Variants in FRMD3 observed in about 807,000 individuals in gnomAD.
FRMD3 encodes FERM domain-containing protein 3.
FRMD3 carries 33 observed loss-of-function variants against 70.2 expected under a neutral mutation model. That is an observed-to-expected ratio of 0.47 (90% CI 0.36 to 0.63). FRMD3 has a LOEUF of 0.63. Among genes scored for constraint, FRMD3 ranks in the 20% least tolerant of loss-of-function variants. The pLI, the probability that FRMD3 is intolerant of heterozygous loss-of-function variation, is 0.00. For missense variants in FRMD3, 632 were observed against 711.4 expected, an observed-to-expected ratio of 0.89 and a Z score of 1.27; for synonymous variants, 279 against 255.9, an observed-to-expected ratio of 1.09 and a Z score of -0.86.
intron 1 of FRMD3, among the ~76,000 whole-genome samples, chr9:83,462,259 G>C (rs1827997884): frequency 6.6e-6 from 1 of 152,180 alleles, no homozygotes; most frequent in African/African-American, 2.4e-5. Flanking sequence ...CACCGGGCTG[G>C]AAGGAAATTT....
chr9:83,261,500 T>C (rs1832992695), intron 13 of FRMD3, among the ~76,000 whole-genome samples: 1 of 152,180 alleles, frequency 6.6e-6, no homozygotes, highest in Non-Finnish European at 1.5e-5. Context: ...TGAGGTTCCA[T>C]ACTCTCTTGG....
At chr9:83,384,977 C>A (rs999436484) in intron 2 of FRMD3, among the ~76,000 whole-genome samples, 6 of 152,040 alleles carry the variant, frequency 3.9e-5, no homozygotes, top group East Asian at 3.9e-4. Flanking sequence ...AGCTCTAAGG[C>A]ATGGGGTGAG....
At chr9:83,547,055 G>C in the FRMD3 span, among the ~76,000 whole-genome samples, 1 of 151,360 alleles carries the variant, frequency 6.6e-6, no homozygotes, top group Admixed American at 6.6e-5. Flanking sequence ...AAAGCAGACT[G>C]GGATAGCTAT....
intron 1 of FRMD3, among the ~76,000 whole-genome samples, chr9:83,536,435 C>T (rs1253901536): frequency 6.7e-6 from 1 of 149,756 alleles, no homozygotes; most frequent in Admixed American, 6.6e-5. Flanking sequence ...CTCTCCCTGA[C>T]GGCCCCTCCA....
chr9:83,468,203 A>C (rs1417414114), intron 1 of FRMD3, among the ~76,000 whole-genome samples: 1 of 152,236 alleles, frequency 6.6e-6, no homozygotes, highest in East Asian at 1.9e-4. Flanking sequence ...TCATTTCTGT[A>C]AGAAATTGAA....
At chr9:83,561,873 C>A in the FRMD3 span, among the ~76,000 whole-genome samples, 1 of 152,190 alleles carries the variant, frequency 6.6e-6, no homozygotes, top group African/African-American at 2.4e-5. Context: ...CACCACACAT[C>A]TCCTAGATAC....
intron 2 of FRMD3, among the ~76,000 whole-genome samples, chr9:83,374,376 G>GTC (rs1330226038): frequency 1.4e-5 from 2 of 145,526 alleles, no homozygotes; most frequent in Non-Finnish European, 3.0e-5. Flanking sequence ...ATTATGGAAA[G>GTC]TCACACACAC....
the FRMD3 span, among the ~76,000 whole-genome samples, chr9:83,564,067 T>C: frequency 6.6e-6 from 1 of 152,126 alleles, no homozygotes; most frequent in Non-Finnish European, 1.5e-5. Context: ...ATGTTCAGAT[T>C]TCAACCCCAT....
At chr9:83,346,433 CG>C (rs1564026990) in intron 4 of FRMD3, among the ~76,000 whole-genome samples, 1 of 152,038 alleles carries the variant, frequency 6.6e-6, no homozygotes, top group East Asian at 1.9e-4. Context: ...AGTGAAAAGA[CG>C]CCAGACCCAA....
At chr9:83,421,527 C>T (rs1826643812) in intron 1 of FRMD3, among the ~76,000 whole-genome samples, 1 of 152,086 alleles carries the variant, frequency 6.6e-6, no homozygotes, top group Non-Finnish European at 1.5e-5. Flanking sequence ...AGCACAGCTC[C>T]CAGAATAGGT....
At chr9:83,485,098 C>A (rs1165357729) in intron 1 of FRMD3, among the ~76,000 whole-genome samples, 2 of 152,178 alleles carry the variant, frequency 1.3e-5, no homozygotes, top group African/African-American at 2.4e-5. Flanking sequence ...CTCTTAGAGA[C>A]AACACCAGAC....
At chr9:83,500,735 T>C (rs139814093) in intron 1 of FRMD3, among the ~76,000 whole-genome samples, 216 of 152,316 alleles carry the variant, frequency 1.4e-3, no homozygotes, top group African/African-American at 4.9e-3. Flanking sequence ...GTTGCCAAAT[T>C]AATACATCCT....
At chr9:83,372,251 G>C (rs918773203) in intron 3 of FRMD3, among the ~76,000 whole-genome samples, 11 of 152,020 alleles carry the variant, frequency 7.2e-5, no homozygotes, top group African/African-American at 2.4e-4. Flanking sequence ...ATGTCACCCA[G>C]GACTACCAGT....
chr9:83,310,481 T>G lies in FRMD3; in HGVS notation c.837+4A>C. ...CAGGCAGTTAAAAAAAAGCAGTATC[T>G]GACCTCCTTCTGGGTGCCAATCACA... On this transcript the variant is annotated splice_donor_region_variant and intron_variant, in intron 9 of 13. Coordinates refer to ENST00000304195, the MANE Select transcript of FRMD3 (RefSeq NM_174938.6). 1 of 1,606,336 alleles carries G rather than the reference T, an allele frequency of 6.2e-7. No homozygotes were observed. The highest frequency in any genetic ancestry group is 8.5e-7 in the Non-Finnish European group (1 of 1,177,124).
At chr9:83,560,054 G>A in the FRMD3 span, among the ~76,000 whole-genome samples, 1 of 152,114 alleles carries the variant, frequency 6.6e-6, no homozygotes, top group South Asian at 2.1e-4. Context: ...GTTGGATGTG[G>A]CAGAGATTTC....
intron 1 of FRMD3, among the ~76,000 whole-genome samples, chr9:83,519,196 T>C (rs961510564): frequency 2.0e-5 from 3 of 151,920 alleles, no homozygotes; most frequent in African/African-American, 7.3e-5. Flanking sequence ...ATCATCAGAG[T>C]GAACAGGCAA....
At chr9:83,311,997 AAAG>A (rs1835379325) in intron 7 of FRMD3, 22 bp from the exon 8 acceptor site, 1 of 1,539,944 alleles carries the variant, frequency 6.5e-7, no homozygotes. Flanking sequence ...AAAAAAGAAA[AAAG>A]AAAAATCTGT....
At chr9:83,462,903 G>A (rs778384019) in intron 1 of FRMD3, among the ~76,000 whole-genome samples, 4 of 152,020 alleles carry the variant, frequency 2.6e-5, no homozygotes, top group Non-Finnish European at 5.9e-5. Context: ...CAGCATTTAT[G>A]GCCATAAAAT....
At chr9:83,342,838 A>C (rs149171480) in intron 5 of FRMD3, among the ~76,000 whole-genome samples, 18 of 152,272 alleles carry the variant, frequency 1.2e-4, no homozygotes, top group Middle Eastern at 3.4e-3. Flanking sequence ...CCTCTCACCT[A>C]GCATTTGGAA....
Sources: allele counts gnomAD v4.1 joint callset (sites outside exome capture counted in the v4.1 genomes callset), GRCh38; gene constraint gnomAD v4.1.1; transcripts MANE v1.5; gene names NCBI Gene and HGNC (gene_info 2026-07-23, HGNC 2026-07-21).